MAST2: variants seen among roughly 807,000 people sequenced by gnomAD.
MAST2 encodes microtubule associated serine/threonine kinase 2, also known as microtubule-associated serine/threonine-protein kinase 2.
Under a neutral mutation model 147.4 loss-of-function variants are expected in MAST2, and 70 were observed. The observed-to-expected ratio is 0.47, with a 90% CI of 0.39 to 0.58. The LOEUF is 0.58. Among genes scored for constraint, MAST2 ranks in the 20% least tolerant of loss-of-function variants. The pLI, the probability that MAST2 is intolerant of heterozygous loss-of-function variation, is 0.00. For synonymous variants in MAST2, 869 were observed against 896.8 expected (o/e 0.97, Z 0.55); for missense variants, 2,080 against 2,302.3 (o/e 0.90, Z 1.98).
chr1:45,959,724 A>G (rs1020509927), intron 5 of MAST2, among the ~76,000 whole-genome samples: 1 of 152,088 alleles, frequency 6.6e-6, no homozygotes, highest in African/African-American at 2.4e-5. Context: ...GGGGCCAGGT[A>G]TGTGTCCTGG....
At position 46,010,936 on chromosome 1, in the gene MAST2, A is replaced by C; in HGVS notation, c.1185A>C (p.Gln395His). Residue 395 changes from glutamine (Q) to histidine (H), a missense_variant, in exon 10 of 29, where the codon CAA (glutamine) becomes CAC (histidine). Around this residue, in one of 4 missense-constraint regions of MAST2, gnomAD observed 569 missense variants for 642.5 expected, o/e 0.89. Transcript: ENST00000361297. ...AAGATAATTTGGAGAAACTTTTACA[A>C]GATGTGAGTGTCCTTGTGCTGGGGT... ...ELQDNLEKLLQDAHERSESSE... is the reference protein window; with the variant it reads ...ELQDNLEKLLHDAHERSESSE... 1 of 1,613,278 alleles carries C rather than the reference A, an allele frequency of 6.2e-7. No individual in the cohort carries two copies. The highest frequency in any genetic ancestry group is 8.5e-7 in the Non-Finnish European group (1 of 1,179,244).
chr1:45,984,660 C>A (rs1258474691), intron 5 of MAST2, among the ~76,000 whole-genome samples: 1 of 152,066 alleles, frequency 6.6e-6, no homozygotes. Flanking sequence ...AAAAACCAAA[C>A]CACAGAAGGG....
In MAST2 at chr1:45,916,538, A is replaced by G. The variant is rs777324714; in HGVS notation, c.500+34143A>G. Among the ~76,000 whole-genome samples, 31 of 152,192 alleles carry G rather than the reference A, an allele frequency of 2.0e-4. 1 individual carries two copies. The highest frequency in any genetic ancestry group is 4.6e-4 in the Admixed American group (7 of 15,286). ...GGGAAAAAATAACCTGGGAATCTAA[A>G]ATTTAAGTAGAAGCAAAATACATAG... On this transcript the variant is annotated intron_variant, in intron 4 of 28. Transcript: ENST00000361297.
intron 4 of MAST2, among the ~76,000 whole-genome samples, chr1:45,910,135 T>A (rs1651456353): frequency 6.6e-6 from 1 of 150,842 alleles, no homozygotes; most frequent in South Asian, 2.1e-4. Flanking sequence ...TTCCCCAAAT[T>A]TAAGCAGACT....
intron 5 of MAST2, among the ~76,000 whole-genome samples, chr1:45,969,297 A>G (rs1354854269): frequency 6.6e-6 from 1 of 152,186 alleles, no homozygotes; most frequent in Non-Finnish European, 1.5e-5. Context: ...GCTGTGATAA[A>G]TAGGCCTTTA....
chr1:45,811,246 A>G (rs936147807), intron 1 of MAST2, among the ~76,000 whole-genome samples: 7 of 148,544 alleles, frequency 4.7e-5, no homozygotes, highest in African/African-American at 1.7e-4. Context: ...GGCTCACTGC[A>G]GCCTCCCCCT....
intron 4 of MAST2, among the ~76,000 whole-genome samples, chr1:45,907,671 C>G (rs1484519080): frequency 1.3e-5 from 2 of 152,126 alleles, no homozygotes; most frequent in East Asian, 3.8e-4. Context: ...ATTTCTAAAA[C>G]TTTTCCATGG....
At position 46,031,451 on chromosome 1, in the gene MAST2, T is replaced by G. The variant is rs1429440324; in HGVS notation, c.3053T>G (p.Ile1018Ser). The G allele has an allele frequency of 6.2e-7, 1 of 1,613,982 alleles. No homozygotes were observed. The highest frequency in any genetic ancestry group is 8.5e-7 in the Non-Finnish European group (1 of 1,180,018). Reference sequence around the variant, plus strand: ...GCTGAGGGAGCCACAGCCAAGGCCATCAGTGACCTGGCTGTGCGTAGGGCC... The same window carrying G: ...GCTGAGGGAGCCACAGCCAAGGCCAGCAGTGACCTGGCTGTGCGTAGGGCC... ...QLAEGATAKA[I>S]SDLAVRRARH... Residue 1018 changes from isoleucine (I) to serine (S), a missense_variant, in exon 24 of 29, where the codon ATC (isoleucine) becomes AGC (serine). Coordinates refer to ENST00000361297, the MANE Select transcript of MAST2 (RefSeq NM_015112.3). The surrounding 1 kb of genome is among the most constrained non-coding windows in gnomAD (Gnocchi z 4.1).
intron 4 of MAST2, among the ~76,000 whole-genome samples, chr1:45,957,542 G>A (rs1659821359): frequency 6.6e-6 from 1 of 152,158 alleles, no homozygotes; most frequent in Admixed American, 6.6e-5. Context: ...GCTCACTGTA[G>A]CCATGAACCC....
intron 1 of MAST2, among the ~76,000 whole-genome samples, chr1:45,809,503 G>A (rs892560445): frequency 6.6e-6 from 1 of 152,084 alleles, no homozygotes; most frequent in Admixed American, 6.5e-5. Context: ...ATTAGTCGGG[G>A]TTGGTGGTGC....
intron 10 of MAST2, among the ~76,000 whole-genome samples, chr1:46,018,845 A>G (rs1332970526): frequency 6.6e-6 from 1 of 152,182 alleles, no homozygotes; most frequent in Admixed American, 6.5e-5. Flanking sequence ...AGACTCTCAT[A>G]TAGGTGCCTG....
intron 4 of MAST2, among the ~76,000 whole-genome samples, chr1:45,953,364 T>C (rs910875668): frequency 5.9e-5 from 9 of 152,212 alleles, no homozygotes; most frequent in Admixed American, 4.6e-4. Flanking sequence ...CCTGCTTCTG[T>C]GGAAATACAT....
At chr1:45,852,462 G>A (rs1027874724) in intron 3 of MAST2, among the ~76,000 whole-genome samples, 1 of 151,818 alleles carries the variant, frequency 6.6e-6, no homozygotes, top group African/African-American at 2.4e-5. Flanking sequence ...CCCAGTCTCA[G>A]GTGATCCTCC....
chr1:46,000,859 C>G, intron 6 of MAST2: 1 of 792,652 alleles, frequency 1.3e-6, no homozygotes, highest in Non-Finnish European at 1.9e-6. Context: ...CATTCCTAAA[C>G]AGAAGGAATG....
chr1:46,025,895 T>G, intron 16 of MAST2, 80 bp downstream of exon 16: 1 of 1,560,896 alleles, frequency 6.4e-7, no homozygotes. Flanking sequence ...ACAGTAGCTC[T>G]AAATCTATCC....
chr1:45,949,874 A>G (rs1355319152), intron 4 of MAST2, among the ~76,000 whole-genome samples: 1 of 152,216 alleles, frequency 6.6e-6, no homozygotes, highest in Non-Finnish European at 1.5e-5. Context: ...TATACCATGG[A>G]ATGTTATGCA....
intron 4 of MAST2, among the ~76,000 whole-genome samples, chr1:45,930,794 T>C (rs1245097564): frequency 6.6e-6 from 1 of 152,184 alleles, no homozygotes; most frequent in Non-Finnish European, 1.5e-5. Context: ...GGGCTGTGTT[T>C]ATACAAGCCA....
intron 5 of MAST2, among the ~76,000 whole-genome samples, chr1:45,972,511 G>A (rs1643955080): frequency 1.3e-5 from 2 of 152,220 alleles, no homozygotes; most frequent in Admixed American, 6.5e-5. Context: ...GGAGAGGGGT[G>A]GCAGGTCATG....
intron 5 of MAST2, among the ~76,000 whole-genome samples, chr1:45,977,023 G>A (rs1644188659): frequency 6.6e-6 from 1 of 152,190 alleles, no homozygotes; most frequent in Non-Finnish European, 1.5e-5. Context: ...ATTGGAAAAC[G>A]TGGCTCTTCA....
Sources: allele counts gnomAD v4.1 joint callset (sites outside exome capture counted in the v4.1 genomes callset), GRCh38; gene constraint gnomAD v4.1.1; regional missense constraint gnomAD v4.1.1; non-coding constraint Gnocchi (gnomAD v3.1); transcripts MANE v1.5; gene names NCBI Gene and HGNC (gene_info 2026-07-23, HGNC 2026-07-21).